IMPG2: variants seen among roughly 807,000 people sequenced by gnomAD.
The protein encoded by IMPG2 is IPM 200.
IMPG2 carries 91 observed loss-of-function variants against 129.2 expected under a neutral mutation model. That is an observed-to-expected ratio of 0.70 (90% CI 0.59 to 0.84). The LOEUF (loss-of-function observed/expected upper bound fraction) is 0.84. Among genes scored for constraint, IMPG2 ranks in the 40% least tolerant of loss-of-function variants. The pLI, the probability that IMPG2 is intolerant of heterozygous loss-of-function variation, is 0.00. For synonymous variants in IMPG2, 510 were observed against 517.7 expected, an observed-to-expected ratio of 0.99 and a Z score of 0.20; for missense variants, 1,430 against 1,461.7, an observed-to-expected ratio of 0.98 and a Z score of 0.35.
At chr3:101,230,883 G>A (rs1706277784) in intron 16 of IMPG2, 74 bp downstream of exon 16, 3 of 1,337,350 alleles carry the variant, frequency 2.2e-6, no homozygotes, top group Middle Eastern at 2.4e-4. Flanking sequence ...TCCAATATTT[G>A]GCACCTGGTA....
chr3:101,276,564 A>AT (rs1706842224), intron 5 of IMPG2, 100 bp downstream of exon 5: 1 of 786,736 alleles, frequency 1.3e-6, no homozygotes, highest in Non-Finnish European at 2.1e-6. Flanking sequence ...GAAATCTGAT[A>AT]TTTTTAAAAG....
intron 2 of IMPG2, among the ~76,000 whole-genome samples, chr3:101,304,661 C>G (rs905991509): frequency 2.0e-5 from 3 of 152,098 alleles, no homozygotes; most frequent in African/African-American, 7.2e-5. Flanking sequence ...CTAATGGACA[C>G]TGTGATTTTC....
intron 3 of IMPG2, among the ~76,000 whole-genome samples, chr3:101,301,052 GGAGGCCTGAGGAGACGGCTT>G (rs1299237320): frequency 1.3e-5 from 2 of 152,188 alleles, no homozygotes; most frequent in Admixed American, 6.5e-5. Context: ...CAGGGAATAG[GGAGGCCTGAGGAGACGGCTT>G]GAGGCCTGAG....
At chr3:101,295,281 T>C (rs538712994) in intron 3 of IMPG2, among the ~76,000 whole-genome samples, 1 of 152,344 alleles carries the variant, frequency 6.6e-6, no homozygotes, top group East Asian at 1.9e-4. Flanking sequence ...GGGGTCCAAT[T>C]TCAGTTTTCT....
intron 18 of IMPG2, among the ~76,000 whole-genome samples, chr3:101,227,396 T>C (rs553289846): frequency 6.6e-6 from 1 of 152,358 alleles, no homozygotes; most frequent in South Asian, 2.1e-4. Context: ...AGACTCTGTG[T>C]GTGTATTTTA....
At position 101,286,346 on chromosome 3, in the gene IMPG2, A is replaced by G. The variant is rs115796802; in HGVS notation, c.533+5133T>C. ...AGTAAGAAGCTTTTTACAATATTCT[A>G]AGTAACTGCTGATATGTTAGTATTT... On this transcript the variant is annotated intron_variant, in intron 4 of 18. Coordinates refer to ENST00000193391, the MANE Select transcript of IMPG2 (RefSeq NM_016247.4). 9.6e-3 allele frequency among the ~76,000 whole-genome samples: 1,467 copies of G among 152,270 alleles called. 24 individuals carry two copies. The highest frequency in any genetic ancestry group is 0.034 in the African/African-American group (1,395 of 41,572).
intron 7 of IMPG2, among the ~76,000 whole-genome samples, chr3:101,270,972 C>A (rs574670054): frequency 2.0e-5 from 3 of 152,132 alleles, no homozygotes; most frequent in African/African-American, 7.2e-5. Context: ...TGCTTTTAAC[C>A]AAGTCCTCAT....
At chr3:101,229,008 T>C (rs1706252853) in intron 17 of IMPG2, 132 bp from the exon 18 acceptor site, 1 of 692,926 alleles carries the variant, frequency 1.4e-6, no homozygotes, top group African/African-American at 1.8e-5. Flanking sequence ...AAGAAAGAAG[T>C]GCAGGAGTGT....
At chr3:101,282,848 A>G (rs1046041894) in intron 4 of IMPG2, among the ~76,000 whole-genome samples, 3 of 152,226 alleles carry the variant, frequency 2.0e-5, no homozygotes, top group African/African-American at 7.2e-5. Flanking sequence ...CCTTCTTCAC[A>G]TAACTCTCCT....
At chr3:101,259,902 T>C (rs978397946) in intron 9 of IMPG2, among the ~76,000 whole-genome samples, 1 of 152,162 alleles carries the variant, frequency 6.6e-6, no homozygotes, top group Non-Finnish European at 1.5e-5. Context: ...GATTTTCTTA[T>C]GAGGAAAGAA....
chr3:101,244,219 C>G lies in IMPG2; in HGVS notation c.2112G>C (p.Lys704Asn), dbSNP rs762832636. The stretch of plus-strand genomic sequence containing the variant: ...CAACACCAGGTACTTCTGATATGTG[C>G]TTGGGGAGGGTTAGAGACGCAGATT... ...AAESASLTLP[K>N]HISEVPGVDD... is the part of the protein sequence containing the mutation. Residue 704 changes from lysine to asparagine, a missense_variant, in exon 13 of 19, where the codon AAG becomes AAC. Lys to Asn is a moderately conservative substitution (Grantham distance 94, BLOSUM62 0). Transcript: ENST00000193391. 1 of 1,613,928 alleles carries G rather than the reference C, an allele frequency of 6.2e-7. No homozygotes were observed. The highest frequency in any genetic ancestry group is 8.5e-7 in the Non-Finnish European group (1 of 1,179,972).
intron 10 of IMPG2, among the ~76,000 whole-genome samples, chr3:101,256,145 A>AAAAGAAAG (rs57933330): frequency 0.064 from 4,997 of 77,484 alleles, 332 homozygotes; most frequent in East Asian, 0.084. Flanking sequence ...AGAAAGAAAG[A>AAAAGAAAG]AAAGAAAGAA....
At chr3:101,275,787 G>A (rs758705647) in intron 5 of IMPG2, 42 bp from the exon 6 acceptor site, 30 of 1,363,080 alleles carry the variant, frequency 2.2e-5, no homozygotes, top group South Asian at 3.5e-5. Context: ...TTCAGTCCTC[G>A]ATTAAGTCAG....
At chr3:101,236,136 T>C (rs1258990019) in intron 14 of IMPG2, among the ~76,000 whole-genome samples, 3 of 152,120 alleles carry the variant, frequency 2.0e-5, no homozygotes, top group Non-Finnish European at 2.9e-5. Flanking sequence ...TGCATTAGGT[T>C]AACACCACAA....
intron 4 of IMPG2, among the ~76,000 whole-genome samples, chr3:101,282,453 T>A (rs1706902449): frequency 6.6e-6 from 1 of 152,216 alleles, no homozygotes; most frequent in African/African-American, 2.4e-5. Flanking sequence ...AGTTATGTAT[T>A]GTTATTTCTT....
At position 101,288,382 on chromosome 3, in the gene IMPG2, T is replaced by A. The variant is rs562316371; in HGVS notation, c.533+3097A>T. On this transcript the variant is annotated intron_variant, in intron 4 of 18. Transcript: ENST00000193391. ...AAACCAGCAATCCCATATCATTATA[T>A]CAAAAAGCCACATGCACTCATATGT... is the stretch of plus-strand genomic sequence containing the variant. Among the ~76,000 whole-genome samples, 6 of 152,048 alleles carry A rather than the reference T, an allele frequency of 3.9e-5. No individual in the cohort carries two copies. In the South Asian group the frequency reaches 1.2e-3, roughly 32 times the overall value.
chr3:101,296,358 G>T (rs1201378722), intron 3 of IMPG2, among the ~76,000 whole-genome samples: 1 of 152,148 alleles, frequency 6.6e-6, no homozygotes. Flanking sequence ...TTATGTGATG[G>T]ATTACGTTTA....
intron 5 of IMPG2, 142 bp from the exon 6 acceptor site, chr3:101,275,887 C>T (rs1460652719): frequency 2.9e-6 from 2 of 691,376 alleles, no homozygotes; most frequent in Non-Finnish European, 5.2e-6. Flanking sequence ...GCATTCTAAC[C>T]TCAGGACATA....
chr3:101,237,525 G>A (rs1415586439), intron 14 of IMPG2, among the ~76,000 whole-genome samples: 2 of 152,168 alleles, frequency 1.3e-5, no homozygotes, highest in Non-Finnish European at 2.9e-5. Flanking sequence ...GAAGGAACAG[G>A]CAGCAATCTT....
Sources: allele counts gnomAD v4.1 joint callset (sites outside exome capture counted in the v4.1 genomes callset), GRCh38; gene constraint gnomAD v4.1.1; transcripts MANE v1.5; gene names NCBI Gene and HGNC (gene_info 2026-07-23, HGNC 2026-07-21).